PKIA: variants seen among roughly 807,000 people sequenced by gnomAD.
PKIA encodes PKI-alpha.
PKIA carries 4 observed loss-of-function variants against 7.6 expected under a neutral mutation model. That is an observed-to-expected ratio of 0.52 (90% confidence interval 0.26 to 1.20). The LOEUF (loss-of-function observed/expected upper bound fraction) is 1.20. Ranked by LOEUF, PKIA falls within the 50% of genes most tolerant of loss-of-function variation. The pLI, the probability that PKIA is intolerant of heterozygous loss-of-function variation, is 0.13. For synonymous variants in PKIA, 21 were observed against 30.7 expected (o/e 0.68, Z 1.04); for missense variants, 73 against 86.2 (o/e 0.85, Z 0.61).
At chr8:78,539,959 G>A (rs780795416) in intron 1 of PKIA, among the ~76,000 whole-genome samples, 30 of 151,864 alleles carry the variant, frequency 2.0e-4, no homozygotes, top group Non-Finnish European at 4.0e-4. Context: ...AGGATAGATT[G>A]CTAGATAAAA....
At chr8:78,569,882 C>T (rs1204594162) in intron 1 of PKIA, among the ~76,000 whole-genome samples, 1 of 151,970 alleles carries the variant, frequency 6.6e-6, no homozygotes, top group Non-Finnish European at 1.5e-5. Flanking sequence ...TGGGCAGGCT[C>T]AAGAGTAGAG....
intron 1 of PKIA, among the ~76,000 whole-genome samples, chr8:78,551,337 G>A (rs372853688): frequency 2.0e-5 from 3 of 151,974 alleles, no homozygotes; most frequent in East Asian, 3.9e-4. Context: ...TATGGTATAT[G>A]GTAGACACCA....
chr8:78,556,638 ACAGT>A (rs113933576), intron 1 of PKIA: 11 of 152,076 alleles, frequency 7.2e-5, no homozygotes, highest in African/African-American at 2.4e-4. Context: ...GTGCCAAGAC[ACAGT>A]CAGCAATTCT....
At chr8:78,601,014 G>A (rs1808338532) in intron 3 of PKIA, among the ~76,000 whole-genome samples, 1 of 152,128 alleles carries the variant, frequency 6.6e-6, no homozygotes, top group Non-Finnish European at 1.5e-5. Flanking sequence ...TTGAATCTGA[G>A]TCTAGAATTG....
chr8:78,569,041 A>C (rs978921227), intron 1 of PKIA, among the ~76,000 whole-genome samples: 1 of 151,918 alleles, frequency 6.6e-6, no homozygotes, highest in African/African-American at 2.4e-5. Flanking sequence ...CTAATTACAA[A>C]TGGACTCCCT....
chr8:78,524,631 G>T (rs1809507218), intron 1 of PKIA, among the ~76,000 whole-genome samples: 1 of 151,826 alleles, frequency 6.6e-6, no homozygotes, highest in Non-Finnish European at 1.5e-5. Context: ...GATACAGCTG[G>T]TGATCCTGTA....
At chr8:78,591,211 T>G (rs2130251903) in intron 2 of PKIA, 1 of 152,742 alleles carries the variant, frequency 6.5e-6, no homozygotes, top group Middle Eastern at 3.4e-3. Flanking sequence ...TAAAAATCAT[T>G]TTAGCAACAT....
intron 1 of PKIA, among the ~76,000 whole-genome samples, chr8:78,562,943 G>GA (rs945792739): frequency 4.6e-5 from 7 of 151,928 alleles, no homozygotes; most frequent in East Asian, 1.9e-4. Flanking sequence ...GAGACACTAT[G>GA]AAAAAAATAT....
At chr8:78,517,526 C>T (rs1159815663) in intron 1 of PKIA, among the ~76,000 whole-genome samples, 1 of 152,204 alleles carries the variant, frequency 6.6e-6, no homozygotes, top group Non-Finnish European at 1.5e-5. Context: ...GCAGAGGAGT[C>T]CGTTTGCCTC....
chr8:78,594,518 T>C (rs532605507), intron 2 of PKIA, among the ~76,000 whole-genome samples: 2 of 152,236 alleles, frequency 1.3e-5, no homozygotes, highest in South Asian at 4.2e-4. Flanking sequence ...TTGGATAGGT[T>C]GGGACGTGGA....
chr8:78,563,638 A>C (rs957132954), intron 1 of PKIA, among the ~76,000 whole-genome samples: 2 of 152,124 alleles, frequency 1.3e-5, no homozygotes, highest in African/African-American at 4.8e-5. Context: ...GGTGTCCTTC[A>C]TAAGTGAAAT....
intron 1 of PKIA, among the ~76,000 whole-genome samples, chr8:78,519,090 A>T (rs1809367907): frequency 6.6e-6 from 1 of 152,086 alleles, no homozygotes; most frequent in Admixed American, 6.6e-5. Context: ...GCATGATTAG[A>T]TGCTAAATGA....
chr8:78,593,729 C>A (rs1056060078), intron 2 of PKIA, among the ~76,000 whole-genome samples: 3 of 149,482 alleles, frequency 2.0e-5, no homozygotes, highest in African/African-American at 7.7e-5. Flanking sequence ...AAAGCATGGG[C>A]AGGAACTTTG....
At chr8:78,566,768 T>C (rs1380094493) in intron 1 of PKIA, among the ~76,000 whole-genome samples, 1 of 152,146 alleles carries the variant, frequency 6.6e-6, no homozygotes, top group African/African-American at 2.4e-5. Flanking sequence ...AGACATTGCC[T>C]ACAACCAATG....
intron 1 of PKIA, among the ~76,000 whole-genome samples, chr8:78,559,773 G>T (rs914887632): frequency 1.3e-5 from 2 of 152,114 alleles, no homozygotes; most frequent in African/African-American, 4.8e-5. Context: ...AACCCAGTTT[G>T]ATCTATTTAT....
intron 2 of PKIA, among the ~76,000 whole-genome samples, chr8:78,573,558 G>T (rs997904032): frequency 6.6e-6 from 1 of 151,738 alleles, no homozygotes; most frequent in Admixed American, 6.6e-5. Context: ...GGGGCAAAAG[G>T]ACATCCCATT....
At chr8:78,558,882 T>A (rs1035758731) in intron 1 of PKIA, among the ~76,000 whole-genome samples, 1 of 152,186 alleles carries the variant, frequency 6.6e-6, no homozygotes, top group African/African-American at 2.4e-5. Context: ...ATATTCATAT[T>A]ATGTTAGAAA....
At chr8:78,519,692 G>C (rs1809379874) in intron 1 of PKIA, among the ~76,000 whole-genome samples, 1 of 152,054 alleles carries the variant, frequency 6.6e-6, no homozygotes, top group Non-Finnish European at 1.5e-5. Flanking sequence ...GTGTTTAAAA[G>C]GTAATATTAA....
chr8:78,604,257 C>T lies in PKIA; in HGVS notation c.*2436C>T, dbSNP rs1808421624. The T allele has an allele frequency of 1.3e-5, 2 of 151,892 alleles. No individual in the cohort carries two copies. The highest frequency in any genetic ancestry group is 4.8e-5 in the African/African-American group (2 of 41,372). The allele number at this position is 151,892 out of a possible 1,614,324, so 9.4% of individuals were successfully genotyped here. On this transcript the variant is annotated 3_prime_UTR_variant, in exon 4 of 4. Transcript: ENST00000396418. The stretch of plus-strand genomic sequence containing the variant: ...TGCAGCTCCTATTCTCCCATTTGAT[C>T]CTCAAACAATTCTATTAGAGTGGTA...
Sources: gnomAD v4.1 joint callset for allele counts (sites outside exome capture counted in the v4.1 genomes callset) on GRCh38, gnomAD v4.1.1 for gene constraint, MANE v1.5 for transcripts, NCBI Gene and HGNC (gene_info 2026-07-23, HGNC 2026-07-21) for gene names.